MMUT: variants seen among roughly 807,000 people sequenced by gnomAD.
MMUT encodes the protein methylmalonyl-CoA mutase, mitochondrial.
Under a neutral mutation model 79.9 loss-of-function variants are expected in MMUT, and 79 were observed. That is an observed-to-expected ratio of 0.99 (90% confidence interval 0.82 to 1.19). The LOEUF (loss-of-function observed/expected upper bound fraction) is 1.19, where lower values mean the gene tolerates loss of function less well. MMUT is among the 50% of genes most tolerant of loss of function. The pLI is 0.00. For synonymous variants in MMUT, 273 were observed against 295.7 expected, an observed-to-expected ratio of 0.92 and a Z score of 0.79; for missense variants, 860 against 917.2, an observed-to-expected ratio of 0.94 and a Z score of 0.81.
chr6:49,451,763 A>T (rs1384499204), intron 5 of MMUT, 49 bp from the exon 6 acceptor site: 1 of 1,569,572 alleles, frequency 6.4e-7, no homozygotes, highest in South Asian at 1.1e-5. Context: ...GGTGATAGAT[A>T]TTGCAACTAT....
rs1461110052 is a variant in MMUT, at chr6:49,459,141, T to C, written c.326A>G (p.Gln109Arg). Reference protein sequence around the residue: ...MYTFRPWTIRQYAGFSTVEES... With the variant: ...MYTFRPWTIRRYAGFSTVEES... ...TTCCACAGTACTAAAACCAGCATAC[T>C]GGCGGATGGTCCAGGGCCTAAAGGT... The change falls in exon 2 of 13, where the codon CAG becomes CGG. Residue 109 changes from glutamine (Q) to arginine (R), a missense_variant. Transcript: ENST00000274813. 3 of 1,614,046 alleles carry C rather than the reference T, an allele frequency of 1.9e-6. No individual in the cohort carries two copies. The highest frequency in any genetic ancestry group is 1.3e-5 in the African/African-American group (1 of 74,924).
At chr6:49,459,544 G>C (rs530059325) in intron 1 of MMUT, 39 bp from the exon 2 acceptor site, 3 of 1,497,462 alleles carry the variant, frequency 2.0e-6, no homozygotes, top group African/African-American at 2.8e-5. Flanking sequence ...TTTAGAAGAG[G>C]GGGTGGGAAA....
At chr6:49,449,841 T>C (rs1016196523) in intron 6 of MMUT, among the ~76,000 whole-genome samples, 1 of 151,512 alleles carries the variant, frequency 6.6e-6, no homozygotes, top group Non-Finnish European at 1.5e-5. Context: ...GCTCTACGAA[T>C]CAAAAATATA....
chr6:49,441,956 T>A lies in MMUT; in HGVS notation c.1692A>T (p.Glu564Asp), dbSNP rs1168410067. The A allele has an allele frequency of 6.2e-7, 1 of 1,611,034 alleles. No individual in the cohort carries two copies. The highest frequency in any genetic ancestry group is 2.2e-5 in the East Asian group (1 of 44,716). Residue 564 changes from glutamate (E) to aspartate (D), a missense_variant, in exon 10 of 13, where the codon GAA (glutamate) becomes GAT (aspartate). Coordinates refer to ENST00000274813, the MANE Select transcript of MMUT (RefSeq NM_000255.4). ...ATACCTTTTTCAGGGCATCTGTGAT[T>A]TCTCCCACTGTACATCTGAAACATG... ...DASRARCTVG[E>D]ITDALKKVFG...
At chr6:49,437,235 C>G (rs1027459275) in intron 11 of MMUT, among the ~76,000 whole-genome samples, 3 of 152,066 alleles carry the variant, frequency 2.0e-5, no homozygotes, top group Admixed American at 2.0e-4. Flanking sequence ...CATTTTTCAT[C>G]AAATTTTCTG....
intron 5 of MMUT, among the ~76,000 whole-genome samples, chr6:49,452,438 A>G (rs1366096892): frequency 2.6e-5 from 4 of 151,958 alleles, no homozygotes; most frequent in East Asian, 1.9e-4. Context: ...GTTCACTCCA[A>G]TCTCTTGCCT....
chr6:49,458,579 C>T (rs1767754817), intron 2 of MMUT, among the ~76,000 whole-genome samples: 1 of 152,106 alleles, frequency 6.6e-6, no homozygotes, highest in South Asian at 2.1e-4. Flanking sequence ...CTTCCATGGG[C>T]AATACAAACT....
At position 49,459,489 on chromosome 6, in the gene MMUT, TAG is replaced by T. The variant is rs1561960134; in HGVS notation, c.-25_-24del. 6.2e-7 allele frequency: 1 copy of T among 1,605,328 alleles called. No individual in the cohort carries two copies. The highest frequency in any genetic ancestry group is 1.7e-5 in the Admixed American group (1 of 59,848). ...CATGGTGGAGCATGGAAACACCCAATAGAAATAAGAACTGACCTAGAAAAAGA... is the reference window on the plus strand; with the variant it reads ...CATGGTGGAGCATGGAAACACCCAATAAATAAGAACTGACCTAGAAAAAGA... On this transcript the variant is annotated 5_prime_UTR_variant, in exon 2 of 13. Transcript: ENST00000274813.
In MMUT at chr6:49,457,824, C is replaced by T; in HGVS notation, c.620G>A (p.Gly207Asp). 2 of 1,613,628 alleles carry T rather than the reference C, an allele frequency of 1.2e-6. No homozygotes were observed. The highest frequency in any genetic ancestry group is 8.5e-7 in the Non-Finnish European group (1 of 1,179,636). The stretch of plus-strand genomic sequence containing the variant: ...ACCAGTAAGCTTCTCTTTAGGTACA[C>T]CTTGTTCTTCTCCAGTTACTATAAA... ...ANFIVTGEEQ[G>D]VPKEKLTGTI... Residue 207 changes from glycine to aspartate, a missense_variant, in exon 3 of 13, where the codon GGT becomes GAT. Coordinates refer to ENST00000274813, the MANE Select transcript of MMUT (RefSeq NM_000255.4).
At chr6:49,447,898 C>G (rs1767451625) in intron 7 of MMUT, 113 bp from the exon 8 acceptor site, 1 of 672,192 alleles carries the variant, frequency 1.5e-6, no homozygotes, top group African/African-American at 1.8e-5. Flanking sequence ...ATTCTTAATT[C>G]TTAATGCAAC....
Position 49,431,227 on chromosome 6 carries a change from T to C in MMUT, c.*501A>G, listed in dbSNP as rs1001237774. ...TTTATTAAGGTGATTCTGGTAGAAT[T>C]TGGCTGAGGACTCCTCCCAAAATCT... On this transcript the variant is annotated 3_prime_UTR_variant, in exon 13 of 13. Transcript: ENST00000274813. The C allele has an allele frequency of 6.6e-6, 1 of 152,520 alleles. No individual in the cohort carries two copies. Among genetic ancestry groups the C allele is most frequent in the African/African-American group, 2.4e-5 (1 of 41,444 alleles). The allele number at this position is 152,520 out of a possible 1,614,324, so 9.4% of individuals were successfully genotyped here.
At chr6:49,457,538 T>C (rs185618392) in intron 3 of MMUT, among the ~76,000 whole-genome samples, 153 bp downstream of exon 3, 11 of 152,294 alleles carry the variant, frequency 7.2e-5, no homozygotes, top group African/African-American at 2.4e-4. Context: ...CGACAGAACA[T>C]AAAATTAGTA....
At position 49,431,771 on chromosome 6, in the gene MMUT, T is replaced by G; in HGVS notation, c.2210A>C (p.Asp737Ala). The stretch of plus-strand genomic sequence containing the variant: ...CTTTTCCAAACACTTCTCAATATCA[T>G]CAAGCACCTGAACGGCAGCCTTTGG... ...RIPKAAVQVL[D>A]DIEKCLEKKQ... Residue 737 changes from aspartate (D) to alanine (A), a missense_variant, in exon 13 of 13, where the codon GAT becomes GCT. Physicochemically the swap from Asp to Ala is moderately radical, Grantham distance 126. Transcript: ENST00000274813. The G allele has an allele frequency of 6.2e-7, 1 of 1,614,008 alleles. No individual in the cohort carries two copies. The highest frequency in any genetic ancestry group is 8.5e-7 in the Non-Finnish European group (1 of 1,179,936).
intron 8 of MMUT, among the ~76,000 whole-genome samples, chr6:49,446,535 T>A (rs1003840349): frequency 1.3e-5 from 2 of 151,816 alleles, no homozygotes; most frequent in African/African-American, 4.8e-5. Flanking sequence ...ACTATAAACT[T>A]GAGCAACTAA....
intron 1 of MMUT, among the ~76,000 whole-genome samples, chr6:49,462,085 T>C (rs1023784867): frequency 6.6e-6 from 1 of 152,160 alleles, no homozygotes; most frequent in African/African-American, 2.4e-5. Context: ...TGTGAATTGG[T>C]GGAGGCTGGA....
Position 49,459,143 on chromosome 6 carries a change from G to A in MMUT, c.324C>T (p.Arg108=). The A allele has an allele frequency of 6.2e-7, 1 of 1,614,108 alleles. No homozygotes were observed. The change falls in exon 2 of 13, where the codon CGC becomes CGT. Residue 108 remains arginine (R), a synonymous_variant. Coordinates refer to ENST00000274813, the MANE Select transcript of MMUT (RefSeq NM_000255.4). ...TMYTFRPWTI[R]QYAGFSTVEE... ...CCACAGTACTAAAACCAGCATACTG[G>A]CGGATGGTCCAGGGCCTAAAGGTAT... is the stretch of plus-strand genomic sequence containing the variant.
At chr6:49,436,339 T>C (rs1370182915) in intron 11 of MMUT, among the ~76,000 whole-genome samples, 1 of 152,052 alleles carries the variant, frequency 6.6e-6, no homozygotes, top group East Asian at 1.9e-4. Flanking sequence ...GGCGTGGTGG[T>C]TCATGCCTGT....
intron 6 of MMUT, 81 bp downstream of exon 6, chr6:49,451,385 T>C (rs1291498716): frequency 1.4e-6 from 2 of 1,451,058 alleles, no homozygotes; most frequent in East Asian, 4.9e-5. Flanking sequence ...TCTATAAATC[T>C]TGACTTGTAA....
intron 10 of MMUT, among the ~76,000 whole-genome samples, chr6:49,441,397 C>T (rs1194945100): frequency 6.6e-6 from 1 of 151,696 alleles, no homozygotes; most frequent in Non-Finnish European, 1.5e-5. Context: ...GAAACTCTAC[C>T]ATAGTAAGCA....
Sources: gnomAD v4.1 joint callset for allele counts (sites outside exome capture counted in the v4.1 genomes callset) on GRCh38, gnomAD v4.1.1 for gene constraint, MANE v1.5 for transcripts, NCBI Gene and HGNC (gene_info 2026-07-23, HGNC 2026-07-21) for gene names.